TRPC1: variants seen among roughly 807,000 people sequenced by gnomAD.
TRPC1 encodes short transient receptor potential channel 1.
Under a neutral mutation model 88.2 loss-of-function variants are expected in TRPC1, and 42 were observed. The observed-to-expected ratio is 0.48, with a 90% CI of 0.37 to 0.62. The LOEUF (loss-of-function observed/expected upper bound fraction) is 0.62, where lower values mean the gene tolerates loss of function less well. Among genes scored for constraint, TRPC1 ranks in the 20% least tolerant of loss-of-function variants. The probability of loss-of-function intolerance (pLI) is 0.00; values close to 1 mark genes in which losing one functional copy is unlikely to be tolerated. For synonymous variants in TRPC1, 288 were observed against 331.8 expected (o/e 0.87, Z 1.43); for missense variants, 699 against 957.3 (o/e 0.73, Z 3.56).
intron 4 of TRPC1, among the ~76,000 whole-genome samples, chr3:142,773,930 T>G (rs999172009): frequency 1.3e-5 from 2 of 151,874 alleles, no homozygotes; most frequent in African/African-American, 2.4e-5. Flanking sequence ...CTGCATACTT[T>G]TTTCCTGTTT....
intron 3 of TRPC1, among the ~76,000 whole-genome samples, chr3:142,743,938 A>G (rs546525730): frequency 6.6e-6 from 1 of 152,278 alleles, no homozygotes; most frequent in East Asian, 1.9e-4. Context: ...TGAATGTTTA[A>G]CTGATCGTGA....
intron 9 of TRPC1, 89 bp from the exon 10 acceptor site, chr3:142,802,080 G>C: frequency 2.2e-6 from 2 of 909,990 alleles, no homozygotes; most frequent in Non-Finnish European, 3.2e-6. Context: ...TTATGTGTTT[G>C]TCTTCTTCCT....
chr3:142,786,411 T>TTACCTG (rs1452027482), intron 7 of TRPC1, among the ~76,000 whole-genome samples: 1 of 152,190 alleles, frequency 6.6e-6, no homozygotes, highest in Admixed American at 6.5e-5. Context: ...AACTAGATTG[T>TTACCTG]AATTAGAGTT....
intron 9 of TRPC1, among the ~76,000 whole-genome samples, chr3:142,795,146 C>T (rs1222368081): frequency 6.6e-6 from 1 of 151,756 alleles, no homozygotes; most frequent in Non-Finnish European, 1.5e-5. Context: ...GAATAGGTAA[C>T]AATAGAAACT....
chr3:142,756,312 A>G (rs944656930), intron 4 of TRPC1, among the ~76,000 whole-genome samples: 1 of 151,518 alleles, frequency 6.6e-6, no homozygotes, highest in Non-Finnish European at 1.5e-5. Context: ...ACTGTTCTCC[A>G]AAGTGGTTGG....
intron 9 of TRPC1, among the ~76,000 whole-genome samples, chr3:142,800,233 C>CT (rs1936576966): frequency 6.6e-6 from 1 of 152,120 alleles, no homozygotes; most frequent in Admixed American, 6.6e-5. Context: ...TTTTCTGATT[C>CT]TAAGTGTCCC....
At chr3:142,805,567 T>C (rs540176863) in intron 12 of TRPC1, among the ~76,000 whole-genome samples, 23 of 152,314 alleles carry the variant, frequency 1.5e-4, no homozygotes, top group African/African-American at 5.5e-4. Context: ...AATAACTTTT[T>C]AAATATAGGT....
At position 142,792,842 on chromosome 3, in the gene TRPC1, C is replaced by T; in HGVS notation, c.1456C>T (p.Arg486Trp). 2 of 1,587,386 alleles carry T rather than the reference C, an allele frequency of 1.3e-6. No homozygotes were observed. Among genetic ancestry groups the T allele is most frequent in the Non-Finnish European group, 1.7e-6 (2 of 1,167,644 alleles). Reference sequence around the variant, plus strand: ...ACCTTAGTTTCATGATTTTGCTGATCGGAAGGATTGGGATGCATTCCATCC... The same window carrying T: ...ACCTTAGTTTCATGATTTTGCTGATTGGAAGGATTGGGATGCATTCCATCC... The part of the protein sequence containing the change: ...AHNKFHDFAD[R>W]KDWDAFHPTL... The change falls in exon 9 of 13, where the codon CGG (arginine) becomes TGG (tryptophan). Residue 486 changes from arginine to tryptophan, a missense_variant. By Grantham distance (101) the Arg-to-Trp change is moderately radical. Around this residue, in one of 4 missense-constraint regions of TRPC1, gnomAD observed 426 missense variants for 641.3 expected, o/e 0.66. Coordinates refer to ENST00000476941, the MANE Select transcript of TRPC1 (RefSeq NM_001251845.2). This position sits in a 1 kb window ranked among gnomAD's most constrained non-coding sequence, Gnocchi z 4.0.
At chr3:142,749,821 G>A (rs1054842046) in intron 4 of TRPC1, among the ~76,000 whole-genome samples, 2 of 152,164 alleles carry the variant, frequency 1.3e-5, no homozygotes, top group African/African-American at 4.8e-5. Flanking sequence ...AAGCAACGGG[G>A]AAAGGATTCC....
At chr3:142,759,199 G>A (rs1421674594) in intron 4 of TRPC1, among the ~76,000 whole-genome samples, 1 of 152,172 alleles carries the variant, frequency 6.6e-6, no homozygotes, top group Non-Finnish European at 1.5e-5. Flanking sequence ...CCAGTAATGG[G>A]ATGGCTGGGT....
intron 9 of TRPC1, among the ~76,000 whole-genome samples, chr3:142,795,442 TAAAA>T (rs1035047182): frequency 2.0e-5 from 3 of 151,532 alleles, no homozygotes; most frequent in Non-Finnish European, 4.4e-5. Flanking sequence ...AAATCAGTGA[TAAAA>T]AAAATCTTCA....
At chr3:142,780,157 A>AT (rs1935914196) in intron 5 of TRPC1, among the ~76,000 whole-genome samples, 1 of 152,072 alleles carries the variant, frequency 6.6e-6, no homozygotes, top group Admixed American at 6.6e-5. Context: ...CGTAATTGAT[A>AT]TTTTTTAAAA....
chr3:142,793,846 G>A (rs1333093518), intron 9 of TRPC1: 1 of 984,762 alleles, frequency 1.0e-6, no homozygotes, highest in African/African-American at 1.7e-5. Context: ...ACAGGGATAT[G>A]AAAATAAAAT....
chr3:142,749,944 C>T (rs527788804), intron 4 of TRPC1, among the ~76,000 whole-genome samples: 8 of 152,208 alleles, frequency 5.3e-5, no homozygotes, highest in East Asian at 3.9e-4. Context: ...AAGACTTAAA[C>T]GTAAGACTTA....
chr3:142,754,358 C>T (rs191212828), intron 4 of TRPC1, among the ~76,000 whole-genome samples: 7 of 151,428 alleles, frequency 4.6e-5, no homozygotes, highest in East Asian at 1.9e-4. Flanking sequence ...TGAGAAACAC[C>T]GGAATTGGGA....
intron 1 of TRPC1, among the ~76,000 whole-genome samples, chr3:142,727,135 ATTTTCT>A (rs1007398905): frequency 1.3e-5 from 2 of 152,094 alleles, no homozygotes; most frequent in African/African-American, 4.8e-5. Flanking sequence ...TTGAAATTAC[ATTTTCT>A]TTGTATGGAT....
intron 1 of TRPC1, among the ~76,000 whole-genome samples, chr3:142,726,115 T>A (rs1933660807): frequency 6.6e-6 from 1 of 152,164 alleles, no homozygotes; most frequent in Non-Finnish European, 1.5e-5. Flanking sequence ...GTTGCCTGAG[T>A]TCTCTTCCCT....
intron 7 of TRPC1, among the ~76,000 whole-genome samples, chr3:142,790,365 T>C (rs1936258075): frequency 6.6e-6 from 1 of 152,078 alleles, no homozygotes; most frequent in Non-Finnish European, 1.5e-5. Context: ...AAATGGGATT[T>C]AAGGGAGGGT....
chr3:142,804,263 A>G (rs984580540), intron 11 of TRPC1, 85 bp downstream of exon 11: 32 of 1,249,658 alleles, frequency 2.6e-5, no homozygotes, highest in Non-Finnish European at 3.4e-5. Flanking sequence ...AGATTATAAG[A>G]TTATAAGAAT....
Sources: allele counts gnomAD v4.1 joint callset (sites outside exome capture counted in the v4.1 genomes callset), GRCh38; gene constraint gnomAD v4.1.1; regional missense constraint gnomAD v4.1.1; non-coding constraint Gnocchi (gnomAD v3.1); transcripts MANE v1.5; gene names NCBI Gene and HGNC (gene_info 2026-07-23, HGNC 2026-07-21).